POFUT2: variants seen among roughly 807,000 people sequenced by gnomAD.
The protein encoded by POFUT2 is GDP-fucose protein O-fucosyltransferase 2.
A neutral mutation model predicts 55.0 loss-of-function variants in POFUT2; 30 were observed. The observed-to-expected ratio is 0.55, with a 90% CI of 0.41 to 0.74. The LOEUF (loss-of-function observed/expected upper bound fraction) is 0.74, where lower values mean the gene tolerates loss of function less well. Among genes scored for constraint, POFUT2 ranks in the 30% least tolerant of loss-of-function variants. The pLI, the probability that POFUT2 is intolerant of heterozygous loss-of-function variation, is 0.00. For synonymous variants in POFUT2, 267 were observed against 231.1 expected, an observed-to-expected ratio of 1.16 and a Z score of -1.41; for missense variants, 524 against 562.6, an observed-to-expected ratio of 0.93 and a Z score of 0.69.
chr21:45,266,340 G>T (rs1440014517), intron 8 of POFUT2: 24 of 1,341,082 alleles, frequency 1.8e-5, no homozygotes, highest in South Asian at 8.0e-5. Flanking sequence ...CTGCTGCGGG[G>T]TGCAGCACTG....
At chr21:45,286,109 A>G (rs1285258774) in intron 1 of POFUT2, among the ~76,000 whole-genome samples, 181 bp from the exon 2 acceptor site, 1 of 152,210 alleles carries the variant, frequency 6.6e-6, no homozygotes, top group East Asian at 1.9e-4. Context: ...CTGTAAGCAG[A>G]AGCAGCAGAC....
In POFUT2 at chr21:45,267,173, A is replaced by T; in HGVS notation, c.1136+417T>A. On this transcript the variant is annotated intron_variant, in intron 8 of 8. Transcript: ENST00000349485. The surrounding 1 kb of genome is among the most constrained non-coding windows in gnomAD (Gnocchi z 4.4). ...GCAGCCCCACGAGAATGATCACACGAGGGCCCACGCTCCCGGCCTCGGGGA... is the reference window on the plus strand; with the variant it reads ...GCAGCCCCACGAGAATGATCACACGTGGGCCCACGCTCCCGGCCTCGGGGA... 7.6e-7 allele frequency: 1 copy of T among 1,320,540 alleles called. No homozygotes were observed. The highest frequency in any genetic ancestry group is 9.7e-7 in the Non-Finnish European group (1 of 1,028,906). 81.8% of individuals were successfully genotyped at this position (1,320,540 alleles called of 1,614,324 possible). A position where few individuals can be genotyped will look rare whatever the true frequency, so the allele number is the denominator to read the frequency against.
At position 45,277,779 on chromosome 21, in the gene POFUT2, G is replaced by A; in HGVS notation, c.705+324C>T. ...AATAGTCCCACCTTTCAAAGCTAAA[G>A]AGAGGAGAAAGGAGGGGTCTACGTT... is the stretch of plus-strand genomic sequence containing the variant. On this transcript the variant is annotated intron_variant, in intron 5 of 8. Coordinates refer to ENST00000349485, the MANE Select transcript of POFUT2 (RefSeq NM_133635.6). The surrounding 1 kb of genome is among the most constrained non-coding windows in gnomAD (Gnocchi z 6.9). 2.6e-6 allele frequency: 1 copy of A among 388,714 alleles called. No homozygotes were observed. Among genetic ancestry groups the A allele is most frequent in the South Asian group, 3.3e-5 (1 of 30,152 alleles). 24.1% of individuals were successfully genotyped at this position (388,714 alleles called of 1,614,324 possible). A position where few individuals can be genotyped will look rare whatever the true frequency, so the allele number is the denominator to read the frequency against.
chr21:45,268,221 G>A (rs2146551896), intron 7 of POFUT2, among the ~76,000 whole-genome samples: 2 of 152,394 alleles, frequency 1.3e-5, no homozygotes, highest in Admixed American at 1.3e-4. Flanking sequence ...CTAACCGCGA[G>A]TGATCCGCCA....
chr21:45,264,659 C>G lies in POFUT2; in HGVS notation c.*823G>C, dbSNP rs911839988. ...CGGGGCGAGGGCAGGGACGGCCAGC[C>G]GGGCGAGGGCGGGGCAGTCGGGGTG... On this transcript the variant is annotated 3_prime_UTR_variant, in exon 9 of 9. Transcript: ENST00000349485. The G allele has an allele frequency of 9.9e-6, 1 of 101,248 alleles. No individual in the cohort carries two copies. The highest frequency in any genetic ancestry group is 1.9e-5 in the Non-Finnish European group (1 of 51,822). 6.3% of individuals were successfully genotyped at this position (101,248 alleles called of 1,614,324 possible).
chr21:45,268,775 G>A (rs200043293), intron 7 of POFUT2, among the ~76,000 whole-genome samples: 33,216 of 133,730 alleles, frequency 0.25, 1,423 homozygotes, highest in East Asian at 0.35. Context: ...AGTGAGGAGC[G>A]TCTCCGCCCG....
In POFUT2 at chr21:45,267,779, T is replaced by C. The variant is rs1426312851; in HGVS notation, c.1013-66A>G. The C allele has an allele frequency of 5.6e-6, 8 of 1,423,176 alleles. No individual in the cohort carries two copies. The highest frequency in any genetic ancestry group is 5.3e-5 in the Admixed American group (3 of 56,758). 88.2% of individuals were successfully genotyped at this position (1,423,176 alleles called of 1,614,324 possible). On this transcript the variant is annotated intron_variant, in intron 7 of 8. Transcript: ENST00000349485. This position sits in a 1 kb window ranked among gnomAD's most constrained non-coding sequence, Gnocchi z 4.4. ...CAGTAAGGACAGATACGTGACTCTT[T>C]AGCAGACAGACATGCGTACTTGGCT...
chr21:45,275,160 G>A lies in POFUT2; in HGVS notation c.831+1857C>T, dbSNP rs552738347. Among the ~76,000 whole-genome samples, 8 of 152,196 alleles carry A rather than the reference G, an allele frequency of 5.3e-5. No individual in the cohort carries two copies. The East Asian group carries it at 1.2e-3, about 22-fold the overall frequency. ...CAAGATACACAAATGGCCAACAAACGTATGAAAAAATGCTTAACTTCACTA... is the reference window on the plus strand; with the variant it reads ...CAAGATACACAAATGGCCAACAAACATATGAAAAAATGCTTAACTTCACTA... On this transcript the variant is annotated intron_variant, in intron 6 of 8. Coordinates refer to ENST00000349485, the MANE Select transcript of POFUT2 (RefSeq NM_133635.6).
In POFUT2 at chr21:45,285,344, C is replaced by A; in HGVS notation, c.382+334G>T. 1 of 369,182 alleles carries A rather than the reference C, an allele frequency of 2.7e-6. No individual in the cohort carries two copies. The highest frequency in any genetic ancestry group is 5.2e-6 in the Non-Finnish European group (1 of 190,882). The allele number at this position is 369,182 out of a possible 1,614,324, so 22.9% of individuals were successfully genotyped here. On this transcript the variant is annotated intron_variant, in intron 2 of 8. Coordinates refer to ENST00000349485, the MANE Select transcript of POFUT2 (RefSeq NM_133635.6). This position sits in a 1 kb window ranked among gnomAD's most constrained non-coding sequence, Gnocchi z 4.9. The stretch of plus-strand genomic sequence containing the variant: ...GTGCGTCTTCCTGAACGTAAAACAG[C>A]CTTTCGCACAGGGAGCCGAGTCCTG...
At chr21:45,280,126 C>T (rs964281422) in intron 4 of POFUT2, among the ~76,000 whole-genome samples, 4 of 152,202 alleles carry the variant, frequency 2.6e-5, no homozygotes, top group Non-Finnish European at 4.4e-5. Context: ...AAAATGAACA[C>T]GGTGCAGCCC....
chr21:45,267,638 T>A lies in POFUT2; in HGVS notation c.1088A>T (p.Lys363Met), dbSNP rs1404269621. 1 of 1,614,194 alleles carries A rather than the reference T, an allele frequency of 6.2e-7. No homozygotes were observed. The highest frequency in any genetic ancestry group is 2.2e-5 in the East Asian group (1 of 44,872). Reference sequence around the variant, plus strand: ...GTCAATAATCGCAACGCCTCCGTCCTTGTAGAGCTCCAGCTCCTCCCACGT... The same window carrying A: ...GTCAATAATCGCAACGCCTCCGTCCATGTAGAGCTCCAGCTCCTCCCACGT... ...EPTWEELELY[K>M]DGGVAIIDQW... The change falls in exon 8 of 9, where the codon AAG becomes ATG. Residue 363 changes from lysine (K) to methionine (M), a missense_variant. This residue lies in a region of POFUT2 where 250 missense variants were observed against 318.2 expected (regional missense o/e 0.79). Coordinates refer to ENST00000349485, the MANE Select transcript of POFUT2 (RefSeq NM_133635.6). This position sits in a 1 kb window ranked among gnomAD's most constrained non-coding sequence, Gnocchi z 4.4.
intron 8 of POFUT2, chr21:45,266,367 C>T (rs1180264818): frequency 7.8e-7 from 1 of 1,284,078 alleles, no homozygotes; most frequent in Non-Finnish European, 1.0e-6. Flanking sequence ...AGACCCTCAC[C>T]ACCCCACACA....
chr21:45,278,205 G>A, intron 4 of POFUT2, 36 bp from the exon 5 acceptor site: 1 of 1,548,762 alleles, frequency 6.5e-7, no homozygotes, highest in Non-Finnish European at 8.9e-7. Context: ...ACAGTTATAA[G>A]AGTTAAGGAT....
At chr21:45,274,380 C>T (rs990955145) in intron 6 of POFUT2, among the ~76,000 whole-genome samples, 1 of 152,124 alleles carries the variant, frequency 6.6e-6, no homozygotes. Flanking sequence ...GTGAAAATGA[C>T]CATACTACAA....
rs549981968 is a variant in POFUT2 at position 45,267,064 on chromosome 21, G to A, written c.1136+526C>T. Reference sequence around the variant, plus strand: ...CGAGAATGATCACACGAGGGCCCACGCTCCCGGCCTCGGGGACGCTCACGG... The same window carrying A: ...CGAGAATGATCACACGAGGGCCCACACTCCCGGCCTCGGGGACGCTCACGG... On this transcript the variant is annotated intron_variant, in intron 8 of 8. Transcript: ENST00000349485. This position sits in a 1 kb window ranked among gnomAD's most constrained non-coding sequence, Gnocchi z 4.4. The A allele has an allele frequency of 2.2e-5, 24 of 1,098,082 alleles. No homozygotes were observed. The African/African-American group carries it at 3.4e-4, about 16-fold the overall frequency. The allele number at this position is 1,098,082 out of a possible 1,614,324, so 68.0% of individuals were successfully genotyped here.
At chr21:45,266,121 TG>T in intron 8 of POFUT2, 1 of 1,360,238 alleles carries the variant, frequency 7.4e-7, no homozygotes, top group African/African-American at 1.5e-5. Context: ...TATGGGCTGG[TG>T]GGGACACCCT....
At chr21:45,278,508 G>A (rs970636261) in intron 4 of POFUT2, among the ~76,000 whole-genome samples, 5 of 152,242 alleles carry the variant, frequency 3.3e-5, no homozygotes, top group African/African-American at 4.8e-5. Context: ...AGGCGTGCCT[G>A]AGGAGGGGAG....
chr21:45,266,155 T>G, intron 8 of POFUT2: 1 of 1,366,674 alleles, frequency 7.3e-7, no homozygotes, highest in Non-Finnish European at 9.8e-7. Flanking sequence ...TCTCCAGACC[T>G]CAGGTCAGCG....
chr21:45,285,903 G>A lies in POFUT2; in HGVS notation c.157C>T (p.Pro53Ser). Residue 53 changes from proline to serine, a missense_variant, in exon 2 of 9, where the codon CCG becomes TCG. Physicochemically the swap from Pro to Ser is moderately conservative, Grantham distance 74. Transcript: ENST00000349485. The surrounding 1 kb of genome is among the most constrained non-coding windows in gnomAD (Gnocchi z 4.9). ...RRYLLYDVNP[P>S]EGFNLRRDVY... is the part of the protein sequence containing the mutation. Reference sequence around the variant, plus strand: ...TCCCTGCGCAGGTTGAAGCCTTCCGGGGGGTTGACGTCATACAGAAGATAC... The same window carrying A: ...TCCCTGCGCAGGTTGAAGCCTTCCGAGGGGTTGACGTCATACAGAAGATAC... 1 of 1,610,360 alleles carries A rather than the reference G, an allele frequency of 6.2e-7. No individual in the cohort carries two copies. Among genetic ancestry groups the A allele is most frequent in the Non-Finnish European group, 8.5e-7 (1 of 1,178,538 alleles).
Sources: allele counts gnomAD v4.1 joint callset (sites outside exome capture counted in the v4.1 genomes callset), GRCh38; gene constraint gnomAD v4.1.1; regional missense constraint gnomAD v4.1.1; non-coding constraint Gnocchi (gnomAD v3.1); transcripts MANE v1.5; gene names NCBI Gene and HGNC (gene_info 2026-07-23, HGNC 2026-07-21).